Variants in PPIG observed in about 807,000 individuals in gnomAD.
The protein encoded by PPIG is peptidylprolyl isomerase G, also known as peptidyl-prolyl cis-trans isomerase G.
A neutral mutation model predicts 87.9 loss-of-function variants in PPIG; 26 were observed. The observed-to-expected ratio is 0.30, with a 90% CI of 0.22 to 0.41. The LOEUF is 0.41. Ranked by LOEUF, PPIG falls within the 10% of genes least tolerant of loss-of-function variation. PPIG has a pLI of 1.00. For synonymous variants in PPIG, 308 were observed against 276.5 expected, an observed-to-expected ratio of 1.11 and a Z score of -1.13; for missense variants, 722 against 879.4, an observed-to-expected ratio of 0.82 and a Z score of 2.26.
chr2:169,614,020 A>G (rs773924179), intron 7 of PPIG, among the ~76,000 whole-genome samples: 3 of 152,376 alleles, frequency 2.0e-5, no homozygotes, highest in Admixed American at 1.3e-4. Context: ...TCATAAGAAT[A>G]TAGCCCGTGC....
chr2:169,631,323 T>C, intron 10 of PPIG: 1 of 298,088 alleles, frequency 3.4e-6, no homozygotes, highest in Non-Finnish European at 6.1e-6. Context: ...TCCCCTTTGC[T>C]CTTACGATAG....
intron 1 of PPIG, among the ~76,000 whole-genome samples, chr2:169,595,088 G>A (rs1403127032): frequency 6.6e-6 from 1 of 152,038 alleles, no homozygotes; most frequent in Admixed American, 6.6e-5. Context: ...ACCACCTCAT[G>A]CAGCTCATTT....
chr2:169,606,133 T>C lies in PPIG; in HGVS notation c.231T>C (p.Gly77=), dbSNP rs1263621161. 2.5e-6 allele frequency: 4 copies of C among 1,600,666 alleles called. No homozygotes were observed. In the South Asian group the frequency reaches 4.4e-5, roughly 18 times the overall value. The change falls in exon 5 of 14, where the codon GGT becomes GGC. Residue 77 remains glycine, a synonymous_variant. Transcript: ENST00000260970. ...TCAAGGATTTTATGGTTCAAGGTGG[T>C]GACTTCAGTGAAGGTGAGACTTGGA... is the stretch of plus-strand genomic sequence containing the variant. ...RVVKDFMVQG[G]DFSEGNGRGG... is the part of the protein sequence containing the mutation.
intron 1 of PPIG, among the ~76,000 whole-genome samples, chr2:169,595,779 A>G (rs1287839225): frequency 2.0e-5 from 3 of 152,128 alleles, no homozygotes; most frequent in African/African-American, 7.2e-5. Context: ...TCCGTTGTGT[A>G]TATGTATCAC....
intron 7 of PPIG, among the ~76,000 whole-genome samples, chr2:169,609,054 A>T (rs1174739534): frequency 6.7e-6 from 1 of 148,272 alleles, no homozygotes; most frequent in Non-Finnish European, 1.5e-5. Flanking sequence ...ACTGCACTCC[A>T]GCCTGGGTGA....
chr2:169,609,102 C>G (rs1407643779), intron 7 of PPIG, among the ~76,000 whole-genome samples: 6 of 147,776 alleles, frequency 4.1e-5, no homozygotes, highest in African/African-American at 1.5e-4. Context: ...AAAAAAAAAT[C>G]CCGTTTTTGG....
intron 6 of PPIG, among the ~76,000 whole-genome samples, chr2:169,607,368 AATGATCTGTACTT>A (rs1321155745): frequency 6.6e-6 from 1 of 152,112 alleles, no homozygotes; most frequent in Non-Finnish European, 1.5e-5. Context: ...AAAGGGTTTC[AATGATCTGTACTT>A]AATTCTTAGA....
rs887669871 is a variant in PPIG, at chr2:169,604,277, C to T, written c.136+16C>T. The T allele has an allele frequency of 2.0e-6, 3 of 1,505,360 alleles. No homozygotes were observed. The highest frequency in any genetic ancestry group is 2.7e-6 in the Non-Finnish European group (3 of 1,108,818). The allele number at this position is 1,505,360 out of a possible 1,614,324, so 93.3% of individuals were successfully genotyped here. A position where few individuals can be genotyped will look rare whatever the true frequency, so the allele number is the denominator to read the frequency against. ...CTTTGTACAGGTTTGTTCACATTTT[C>T]AACTGCCCTAATAGTAGTCTCAGTT... On this transcript the variant is annotated intron_variant, in intron 4 of 13. Coordinates refer to ENST00000260970, the MANE Select transcript of PPIG (RefSeq NM_004792.3).
chr2:169,618,379 G>T (rs557710803), intron 9 of PPIG, among the ~76,000 whole-genome samples: 47 of 152,154 alleles, frequency 3.1e-4, no homozygotes, highest in Non-Finnish European at 5.3e-4. Context: ...AAATGAGTTA[G>T]GGAGGAGTCC....
At chr2:169,589,965 C>G (rs887339272) in intron 1 of PPIG, among the ~76,000 whole-genome samples, 1 of 151,768 alleles carries the variant, frequency 6.6e-6, no homozygotes, top group Non-Finnish European at 1.5e-5. Flanking sequence ...CAAAATTAGC[C>G]GGGTGTGCTG....
At position 169,637,725 on chromosome 2, in the gene PPIG, A is replaced by C. The variant is rs1686221974; in HGVS notation, c.*202A>C. The C allele has an allele frequency of 1.9e-6, 1 of 531,320 alleles. No individual in the cohort carries two copies. Among genetic ancestry groups the C allele is most frequent in the Middle Eastern group, 5.2e-4 (1 of 1,936 alleles). The allele number at this position is 531,320 out of a possible 1,614,324, so 32.9% of individuals were successfully genotyped here. On this transcript the variant is annotated 3_prime_UTR_variant, in exon 14 of 14. Coordinates refer to ENST00000260970, the MANE Select transcript of PPIG (RefSeq NM_004792.3). ...AATTTGTACTGCTAAAGTTTTAATA[A>C]ACTCGACATGAGAAAAACACTTTGG... is the stretch of plus-strand genomic sequence containing the variant.
At chr2:169,604,380 C>A in intron 4 of PPIG, 119 bp downstream of exon 4, 2 of 808,506 alleles carry the variant, frequency 2.5e-6, no homozygotes, top group Non-Finnish European at 1.9e-6. Flanking sequence ...CAACGTTGTC[C>A]AACTGGACTA....
intron 9 of PPIG, among the ~76,000 whole-genome samples, chr2:169,624,391 G>A (rs766124729): frequency 2.6e-5 from 4 of 152,160 alleles, no homozygotes; most frequent in Admixed American, 6.5e-5. Context: ...AGCAAACTGC[G>A]TAATCTAAAC....
At position 169,637,641 on chromosome 2, in the gene PPIG, C is replaced by CT. The variant is rs1367288671; in HGVS notation, c.*126dup. 100 of 1,065,058 alleles carry CT rather than the reference C, an allele frequency of 9.4e-5. No homozygotes were observed. The highest frequency in any genetic ancestry group is 3.2e-4 in the Middle Eastern group (1 of 3,106). The allele number at this position is 1,065,058 out of a possible 1,614,324, so 66.0% of individuals were successfully genotyped here. On this transcript the variant is annotated 3_prime_UTR_variant, in exon 14 of 14. Transcript: ENST00000260970. ...GTTTTTGGATTGTTTTATGTTTGTC[C>CT]TTTTTTTTCTTAATGTGGATTTCAT...
chr2:169,622,019 G>T (rs6710305), intron 9 of PPIG, among the ~76,000 whole-genome samples: 3 of 151,436 alleles, frequency 2.0e-5, no homozygotes, highest in African/African-American at 7.3e-5. Context: ...CCCAGGAGTT[G>T]AAGGCTATAG....
chr2:169,640,611 T>G lies in PPIG; in HGVS notation c.*3088T>G, dbSNP rs1411857960. Reference sequence around the variant, plus strand: ...TAAAGAAACAAAATGGGTGTTCTTCTGTTTCCTTTTGATTATGTTTACTGT... The same window carrying G: ...TAAAGAAACAAAATGGGTGTTCTTCGGTTTCCTTTTGATTATGTTTACTGT... On this transcript the variant is annotated 3_prime_UTR_variant, in exon 14 of 14. Transcript: ENST00000260970. 6.6e-6 allele frequency: 1 copy of G among 152,226 alleles called. No homozygotes were observed. Among genetic ancestry groups the G allele is most frequent in the Non-Finnish European group, 1.5e-5 (1 of 68,042 alleles). The allele number at this position is 152,226 out of a possible 1,614,324, so 9.4% of individuals were successfully genotyped here. A position where few individuals can be genotyped will look rare whatever the true frequency, so the allele number is the denominator to read the frequency against.
rs1376212307 is a variant in PPIG, at chr2:169,637,501, C to T, written c.2243C>T (p.Thr748Ile). 3 of 1,584,626 alleles carry T rather than the reference C, an allele frequency of 1.9e-6. No individual in the cohort carries two copies. Among genetic ancestry groups the T allele is most frequent in the Non-Finnish European group, 2.6e-6 (3 of 1,172,268 alleles). ...TTTGATCATGAATCAAGCCCTGGAA[C>T]AGATGAAGACAAAAGCGGATGAGTG... ...KKFDHESSPGTDEDKSG is the reference protein window; with the variant it reads ...KKFDHESSPGIDEDKSG The change falls in exon 14 of 14, where the codon ACA (threonine) becomes ATA (isoleucine). Residue 748 changes from threonine (T) to isoleucine (I), a missense_variant. Thr to Ile is a moderately conservative substitution (Grantham distance 89). Transcript: ENST00000260970.
chr2:169,610,537 A>G (rs764028957), intron 7 of PPIG, among the ~76,000 whole-genome samples: 2 of 152,166 alleles, frequency 1.3e-5, no homozygotes, highest in Non-Finnish European at 2.9e-5. Context: ...AGTCAAAACA[A>G]AAAGAATACT....
intron 1 of PPIG, chr2:169,584,786 T>G (rs1402241643): frequency 6.7e-6 from 2 of 297,038 alleles, no homozygotes; most frequent in East Asian, 1.4e-4. Context: ...CCTCCCTCAC[T>G]GACGCATTTT....
Sources: allele counts gnomAD v4.1 joint callset (sites outside exome capture counted in the v4.1 genomes callset), GRCh38; gene constraint gnomAD v4.1.1; transcripts MANE v1.5; gene names NCBI Gene and HGNC (gene_info 2026-07-23, HGNC 2026-07-21).